The following SLC16A2 variants were observed in gnomAD, a reference collection of about 807,000 sequenced individuals.
SLC16A2 encodes the protein solute carrier family 16 member 2, also known as monocarboxylate transporter 8.
Under a neutral mutation model 27.2 loss-of-function variants are expected in SLC16A2, and 3 were observed. The ratio of observed to expected loss-of-function variants is 0.11; its 90% confidence interval spans 0.05 to 0.28. SLC16A2 has a LOEUF of 0.28. Among genes scored for constraint, SLC16A2 ranks in the 10% least tolerant of loss-of-function variants. The probability of loss-of-function intolerance (pLI) is 1.00; values close to 1 mark genes in which losing one functional copy is unlikely to be tolerated. For missense variants in SLC16A2, 295 were observed against 458.5 expected (o/e 0.64, Z 3.26); for synonymous variants, 202 against 187.8 (o/e 1.08, Z -0.62).
At chrX:74,529,568 G>A in intron 5 of SLC16A2, 127 bp downstream of exon 5, 1 of 499,181 alleles carries the variant, frequency 2.0e-6, no homozygotes, top group Non-Finnish European at 3.3e-6. Context: ...CTTTGTCAGA[G>A]TGCGTGAAAC....
In SLC16A2 at chrX:74,442,184, C is replaced by T. The variant is rs769259627; in HGVS notation, c.430+20117C>T. Among the ~76,000 whole-genome samples the T allele has an allele frequency of 1.7e-3, 173 of 99,936 alleles. 2 individuals carry two copies. In the Middle Eastern group the frequency reaches 0.02, roughly 11 times the overall value. 86.8% of individuals were successfully genotyped at this position (99,936 alleles called of 115,157 possible). A position where few individuals can be genotyped will look rare whatever the true frequency, so the allele number is the denominator to read the frequency against. On this transcript the variant is annotated intron_variant, in intron 1 of 5. Transcript: ENST00000587091. ...CAGAGGTTGCCGTGAGCCGAGATCA[C>T]GCCATTGCACTCCAGCCTGAGCAAC... is the stretch of plus-strand genomic sequence containing the variant.
intron 1 of SLC16A2, among the ~76,000 whole-genome samples, chrX:74,462,862 C>T (rs766776883): frequency 8.9e-6 from 1 of 111,781 alleles, no homozygotes; most frequent in African/African-American, 3.2e-5. Context: ...AATAGAAGGC[C>T]TTCAGAAACA....
chrX:74,485,548 C>T (rs942224169), intron 1 of SLC16A2, among the ~76,000 whole-genome samples: 4 of 110,593 alleles, frequency 3.6e-5, no homozygotes, highest in South Asian at 3.9e-4. Flanking sequence ...CAAGATGGGG[C>T]GGCCACTCCC....
At chrX:74,528,086 C>T (rs1930512542) in intron 4 of SLC16A2, among the ~76,000 whole-genome samples, 1 of 112,389 alleles carries the variant, frequency 8.9e-6, no homozygotes, top group African/African-American at 3.2e-5. Context: ...CTTTAGGGCA[C>T]CAAATAACCT....
intron 1 of SLC16A2, among the ~76,000 whole-genome samples, chrX:74,475,762 C>G (rs1408524840): frequency 2.7e-5 from 3 of 111,559 alleles, no homozygotes; most frequent in South Asian, 7.6e-4. Flanking sequence ...GCTTGTTTTT[C>G]TCAGGTTTGT....
Position 74,439,158 on chromosome X carries a change from C to CTCTTTCTTTCTTTCTT in SLC16A2, c.430+17105_430+17120dup, listed in dbSNP as rs765500073. Among the ~76,000 whole-genome samples, 45 of 62,202 alleles carry CTCTTTCTTTCTTTCTT rather than the reference C, an allele frequency of 7.2e-4. 1 individual carries two copies. Among genetic ancestry groups the CTCTTTCTTTCTTTCTT allele is most frequent in the African/African-American group, 3.4e-3 (43 of 12,675 alleles). 54.0% of individuals were successfully genotyped at this position (62,202 alleles called of 115,157 possible). ...CTCTCTCTCTCTCTGGCTTGCTCAA[C>CTCTTTCTTTCTTTCTT]TCTTTCTTTCTTTCTTTCTTTCTTT... is the stretch of plus-strand genomic sequence containing the variant. On this transcript the variant is annotated intron_variant, in intron 1 of 5. Transcript: ENST00000587091.
rs987636918 is a variant in SLC16A2 at position 74,424,797 on chromosome X, A to G, written c.430+2730A>G. The stretch of plus-strand genomic sequence containing the variant: ...ACCTAAAGCTGTGTTGAGTGGCTTA[A>G]TGGGTGGAAGGTCCTGCAGATGATT... On this transcript the variant is annotated intron_variant, in intron 1 of 5. Coordinates refer to ENST00000587091, the MANE Select transcript of SLC16A2 (RefSeq NM_006517.5). Among the ~76,000 whole-genome samples the G allele has an allele frequency of 2.7e-5, 3 of 111,788 alleles. No individual in the cohort carries two copies. The Admixed American group carries it at 2.9e-4, about 11-fold the overall frequency.
At chrX:74,474,906 T>G (rs1929435544) in intron 1 of SLC16A2, among the ~76,000 whole-genome samples, 1 of 110,814 alleles carries the variant, frequency 9.0e-6, no homozygotes, top group South Asian at 3.9e-4. Context: ...TGGTTCCAAG[T>G]CTTTGCTATT....
In SLC16A2 at chrX:74,531,541, G is replaced by A. The variant is rs1407216782; in HGVS notation, c.1608G>A (p.Glu536=). The part of the protein sequence containing the change: ...GELLPGSPNP[E]EPI The stretch of plus-strand genomic sequence containing the variant: ...TACTGCCGGGCTCCCCCAACCCTGA[G>A]GAACCAATCTAATGCCTTTCTTGCC... The change falls in exon 6 of 6, where the codon GAG becomes GAA. Residue 536 remains glutamate, a synonymous_variant. Transcript: ENST00000587091. The A allele has an allele frequency of 1.7e-6, 2 of 1,200,212 alleles. No homozygotes were observed. Among genetic ancestry groups the A allele is most frequent in the Non-Finnish European group, 2.3e-6 (2 of 887,316 alleles).
intron 1 of SLC16A2, among the ~76,000 whole-genome samples, chrX:74,445,247 G>A (rs182994015): frequency 9.0e-6 from 1 of 111,083 alleles, no homozygotes; most frequent in East Asian, 2.9e-4. Context: ...GCATATGAGA[G>A]GCAAGGGATC....
intron 1 of SLC16A2, among the ~76,000 whole-genome samples, chrX:74,453,024 C>T (rs1260261648): frequency 4.7e-5 from 5 of 106,817 alleles, no homozygotes. Flanking sequence ...AGCTCCCTTA[C>T]TCCCTTATCC....
intron 1 of SLC16A2, chrX:74,473,534 G>T: frequency 1.5e-6 from 1 of 672,317 alleles, no homozygotes; most frequent in Non-Finnish European, 2.4e-6. Flanking sequence ...GCCTCAGTCG[G>T]TCATGATTTC....
chrX:74,502,855 G>T (rs1042156751), intron 1 of SLC16A2, among the ~76,000 whole-genome samples: 1 of 110,795 alleles, frequency 9.0e-6, no homozygotes, highest in Non-Finnish European at 1.9e-5. Flanking sequence ...TGCAGATGCA[G>T]CTAGTCAAGC....
At chrX:74,475,855 C>T (rs1426618412) in intron 1 of SLC16A2, among the ~76,000 whole-genome samples, 4 of 111,661 alleles carry the variant, frequency 3.6e-5, no homozygotes, top group African/African-American at 1.3e-4. Context: ...TGTTTTGGTA[C>T]CAGTACCATG....
chrX:74,435,813 C>G (rs1329097430), intron 1 of SLC16A2, among the ~76,000 whole-genome samples: 1 of 109,905 alleles, frequency 9.1e-6, no homozygotes, highest in Non-Finnish European at 1.9e-5. Flanking sequence ...AGAAAGAGCA[C>G]TGGACTAAGA....
At chrX:74,439,272 C>G (rs1928693941) in intron 1 of SLC16A2, among the ~76,000 whole-genome samples, 1 of 96,831 alleles carries the variant, frequency 1.0e-5, no homozygotes, top group Non-Finnish European at 2.0e-5. Flanking sequence ...TCTCTCCCTT[C>G]CTTCCTCCCT....
intron 1 of SLC16A2, among the ~76,000 whole-genome samples, chrX:74,487,217 G>C (rs1454956206): frequency 9.0e-6 from 1 of 111,057 alleles, no homozygotes; most frequent in African/African-American, 3.3e-5. Context: ...TTCTCAAACA[G>C]TTCTATGATT....
At chrX:74,508,698 G>C (rs961877272) in intron 1 of SLC16A2, among the ~76,000 whole-genome samples, 1 of 110,967 alleles carries the variant, frequency 9.0e-6, no homozygotes, top group African/African-American at 3.3e-5. Context: ...TTGCTGTCTT[G>C]TTTGTTCGTT....
intron 1 of SLC16A2, among the ~76,000 whole-genome samples, chrX:74,429,647 G>A (rs958487162): frequency 6.3e-5 from 7 of 111,628 alleles, no homozygotes; most frequent in Admixed American, 9.5e-5. Flanking sequence ...TCACCTACCC[G>A]CTTATCCAGA....
Sources: gnomAD v4.1 joint callset for allele counts (sites outside exome capture counted in the v4.1 genomes callset) on GRCh38, gnomAD v4.1.1 for gene constraint, MANE v1.5 for transcripts, NCBI Gene and HGNC (gene_info 2026-07-23, HGNC 2026-07-21) for gene names.